VPS13B: variants seen among roughly 807,000 people sequenced by gnomAD.
The protein encoded by VPS13B is vacuolar protein sorting 13 homolog B.
Under a neutral mutation model 426.4 loss-of-function variants are expected in VPS13B, and 285 were observed. That is an observed-to-expected ratio of 0.67 (90% CI 0.61 to 0.74). The LOEUF (loss-of-function observed/expected upper bound fraction) is 0.74, where lower values mean the gene tolerates loss of function less well. VPS13B is among the 30% of genes least tolerant of loss of function. VPS13B has a pLI of 0.00. For synonymous variants in VPS13B, 1,676 were observed against 1,676.4 expected, an observed-to-expected ratio of 1.00 and a Z score of 0.01; for missense variants, 4,537 against 4,782.6, an observed-to-expected ratio of 0.95 and a Z score of 1.51.
intron 33 of VPS13B, among the ~76,000 whole-genome samples, chr8:99,602,573 G>A (rs1188471192): frequency 2.0e-5 from 3 of 152,148 alleles, no homozygotes; most frequent in Admixed American, 1.3e-4. Context: ...TGTTCAAAGA[G>A]GAAGAGAGGA....
chr8:99,142,947 T>G (rs1810512322), intron 12 of VPS13B, 27 bp from the exon 13 acceptor site: 5 of 1,595,750 alleles, frequency 3.1e-6, no homozygotes, highest in Non-Finnish European at 4.3e-6. Context: ...AATTGATGCT[T>G]AAAATATAAA....
At chr8:99,857,051 G>T (rs886738694) in intron 56 of VPS13B, among the ~76,000 whole-genome samples, 4 of 152,132 alleles carry the variant, frequency 2.6e-5, no homozygotes, top group Non-Finnish European at 5.9e-5. Flanking sequence ...ATTTCCAAAC[G>T]ACTGAGCAAA....
At chr8:99,834,340 A>G (rs1214307453) in intron 52 of VPS13B, among the ~76,000 whole-genome samples, 1 of 152,176 alleles carries the variant, frequency 6.6e-6, no homozygotes, top group Non-Finnish European at 1.5e-5. Context: ...ACAGAAGGCA[A>G]CCTTTACTCA....
chr8:99,600,351 A>G (rs1046554529), intron 33 of VPS13B, among the ~76,000 whole-genome samples: 7 of 151,974 alleles, frequency 4.6e-5, no homozygotes, highest in African/African-American at 1.7e-4. Flanking sequence ...TCACATACAC[A>G]CCCCACTTGA....
chr8:99,409,796 CAAAT>C, intron 21 of VPS13B, among the ~76,000 whole-genome samples: 1 of 152,138 alleles, frequency 6.6e-6, no homozygotes, highest in East Asian at 1.9e-4. Context: ...TATCAGGAAT[CAAAT>C]AAGATGAGAA....
intron 43 of VPS13B, among the ~76,000 whole-genome samples, chr8:99,791,788 G>A (rs926480031): frequency 1.3e-5 from 2 of 151,548 alleles, no homozygotes; most frequent in African/African-American, 4.8e-5. Flanking sequence ...ATTTTGGAGG[G>A]GAGTCAAAAT....
intron 22 of VPS13B, among the ~76,000 whole-genome samples, chr8:99,433,576 T>C (rs560071301): frequency 6.6e-6 from 1 of 152,286 alleles, no homozygotes; most frequent in African/African-American, 2.4e-5. Context: ...AGACAGAACT[T>C]TTCTCTAATA....
chr8:99,441,358 A>G (rs1817668036), intron 22 of VPS13B, among the ~76,000 whole-genome samples: 1 of 152,072 alleles, frequency 6.6e-6, no homozygotes, highest in Non-Finnish European at 1.5e-5. Context: ...AGATGTTGCT[A>G]TTATCTTTTA....
At chr8:99,789,176 A>G (rs942925213) in intron 43 of VPS13B, among the ~76,000 whole-genome samples, 69 of 152,170 alleles carry the variant, frequency 4.5e-4, no homozygotes, top group African/African-American at 1.5e-3. Context: ...GTATCTGCCT[A>G]TCTTTTAGTA....
intron 17 of VPS13B, among the ~76,000 whole-genome samples, chr8:99,204,743 CAT>C (rs1240649443): frequency 3.3e-5 from 5 of 151,954 alleles, no homozygotes; most frequent in African/African-American, 4.8e-5. Flanking sequence ...GGCCAAGAAA[CAT>C]ATGAAAAAAA....
intron 33 of VPS13B, among the ~76,000 whole-genome samples, chr8:99,589,958 G>A (rs552966722): frequency 2.0e-5 from 3 of 152,186 alleles, no homozygotes; most frequent in East Asian, 1.9e-4. Context: ...CTGTGAATCC[G>A]TCTGGTCCTG....
intron 31 of VPS13B, among the ~76,000 whole-genome samples, chr8:99,557,465 G>T (rs1824649289): frequency 6.6e-6 from 1 of 152,066 alleles, no homozygotes; most frequent in Admixed American, 6.6e-5. Context: ...TGCTGCAAAA[G>T]ACATTGTTTC....
intron 55 of VPS13B, among the ~76,000 whole-genome samples, chr8:99,850,931 AAAAAC>A (rs566176367): frequency 7.9e-5 from 12 of 152,236 alleles, no homozygotes; most frequent in Non-Finnish European, 1.8e-4. Context: ...ATCTTGGAAA[AAAAAC>A]AAAACAAAAC....
intron 30 of VPS13B, among the ~76,000 whole-genome samples, chr8:99,523,518 A>G (rs1460302298): frequency 6.6e-6 from 1 of 152,186 alleles, no homozygotes; most frequent in Non-Finnish European, 1.5e-5. Flanking sequence ...ACAGCTCCAG[A>G]CAGCTCAGCA....
intron 3 of VPS13B, among the ~76,000 whole-genome samples, chr8:99,043,720 G>A (rs915730165): frequency 1.3e-5 from 2 of 151,682 alleles, no homozygotes; most frequent in African/African-American, 2.4e-5. Flanking sequence ...ATCCATCTTG[G>A]GTCATTTCAG....
At chr8:99,430,267 G>A (rs770250142) in intron 21 of VPS13B, among the ~76,000 whole-genome samples, 23 of 152,136 alleles carry the variant, frequency 1.5e-4, no homozygotes, top group Admixed American at 6.5e-5. Context: ...GAGAGGGGAA[G>A]TATGAGTGGA....
chr8:99,105,389 AT>A (rs2132462468), intron 5 of VPS13B, among the ~76,000 whole-genome samples: 1 of 152,090 alleles, frequency 6.6e-6, no homozygotes, highest in Non-Finnish European at 1.5e-5. Context: ...TAATTAATTA[AT>A]TTTTTTGAGA....
chr8:99,853,638 C>T lies in VPS13B; in HGVS notation c.10249C>T (p.Leu3417Phe). 1 of 1,614,164 alleles carries T rather than the reference C, an allele frequency of 6.2e-7. No individual in the cohort carries two copies. The highest frequency in any genetic ancestry group is 8.5e-7 in the Non-Finnish European group (1 of 1,180,012). ...AGAGCCTGTGGCTGCGTTGTTTGAA[C>T]TTTACTGTGTGGAGATCTGCTGTGG... ...GEEPVAALFE[L>F]YCVEICCGDL... The change falls in exon 56 of 62, where the codon CTT (leucine) becomes TTT (phenylalanine). Residue 3417 changes from leucine (L) to phenylalanine (F), a missense_variant. Transcript: ENST00000357162.
chr8:99,443,301 G>A (rs2133442374), intron 23 of VPS13B, among the ~76,000 whole-genome samples: 1 of 152,132 alleles, frequency 6.6e-6, no homozygotes, highest in Non-Finnish European at 1.5e-5. Context: ...TCAACACCTT[G>A]TTCATATTAT....
Sources: gnomAD v4.1 joint callset for allele counts (sites outside exome capture counted in the v4.1 genomes callset) on GRCh38, gnomAD v4.1.1 for gene constraint, MANE v1.5 for transcripts, NCBI Gene and HGNC (gene_info 2026-07-23, HGNC 2026-07-21) for gene names.